The following SGCD variants were observed in gnomAD, a reference collection of about 807,000 sequenced individuals.
SGCD encodes the protein delta-sarcoglycan.
In SGCD, 18 loss-of-function variants were observed where a neutral mutation model predicts 36.6. That is an observed-to-expected ratio of 0.49 (90% CI 0.34 to 0.73). The LOEUF (loss-of-function observed/expected upper bound fraction) is 0.73. Among genes scored for constraint, SGCD ranks in the 30% least tolerant of loss-of-function variants. SGCD has a pLI of 0.01. For synonymous variants in SGCD, 133 were observed against 130.6 expected, an observed-to-expected ratio of 1.02 and a Z score of -0.12; for missense variants, 387 against 346.7, an observed-to-expected ratio of 1.12 and a Z score of -0.92.
At chr5:155,890,724 G>T (rs1448952105) in intron 1 of SGCD, among the ~76,000 whole-genome samples, 1 of 152,028 alleles carries the variant, frequency 6.6e-6, no homozygotes, top group Admixed American at 6.6e-5. Context: ...AAGGACACAG[G>T]GCAGGTGTGG....
At chr5:156,147,619 A>G (rs116596465) in intron 3 of SGCD, among the ~76,000 whole-genome samples, 1,979 of 152,358 alleles carry the variant, frequency 0.013, 14 homozygotes, top group Non-Finnish European at 0.02. Context: ...AAACTTTCAA[A>G]TGTTATCAGC....
chr5:156,061,173 A>AT (rs201621091), intron 1 of SGCD, among the ~76,000 whole-genome samples: 7,211 of 137,792 alleles, frequency 0.052, 1,014 homozygotes, highest in East Asian at 0.48. Flanking sequence ...AATTGCAACT[A>AT]TTTTTTTTTT....
chr5:156,582,037 C>G (rs1048683176), intron 4 of SGCD, among the ~76,000 whole-genome samples: 3 of 152,172 alleles, frequency 2.0e-5, no homozygotes, highest in Non-Finnish European at 4.4e-5. Flanking sequence ...AGAGCTGTTC[C>G]TATTCAGCCG....
At chr5:155,786,148 A>T in the SGCD span, among the ~76,000 whole-genome samples, 9 of 152,192 alleles carry the variant, frequency 5.9e-5, no homozygotes, top group Non-Finnish European at 1.3e-4. Flanking sequence ...CATTTGCAAT[A>T]ATATCTCCTT....
intron 3 of SGCD, among the ~76,000 whole-genome samples, chr5:156,432,500 A>G (rs1402320701): frequency 2.6e-5 from 4 of 152,098 alleles, no homozygotes; most frequent in Non-Finnish European, 5.9e-5. Flanking sequence ...TTTCTCAGGC[A>G]TTGGGCGGGG....
chr5:155,946,739 C>T (rs1757444717), intron 1 of SGCD, among the ~76,000 whole-genome samples: 1 of 152,130 alleles, frequency 6.6e-6, no homozygotes. Flanking sequence ...TATAGCATAT[C>T]TCCAAAATGT....
chr5:155,728,955 C>G, the SGCD span, among the ~76,000 whole-genome samples: 1 of 152,232 alleles, frequency 6.6e-6, no homozygotes, highest in Non-Finnish European at 1.5e-5. Context: ...CACCAGTCGG[C>G]TTGGTGGCCC....
the SGCD span, among the ~76,000 whole-genome samples, chr5:155,791,264 C>T: frequency 6.6e-6 from 1 of 152,006 alleles, no homozygotes; most frequent in Non-Finnish European, 1.5e-5. Context: ...TCTCATGGAA[C>T]AGAGTCAGAA....
chr5:156,135,906 C>G (rs955823867), intron 3 of SGCD, among the ~76,000 whole-genome samples: 1 of 152,034 alleles, frequency 6.6e-6, no homozygotes, highest in African/African-American at 2.4e-5. Flanking sequence ...AGTTTTCTGA[C>G]TGGTGTTGCC....
At chr5:156,482,316 C>T (rs1363899276) in intron 3 of SGCD, among the ~76,000 whole-genome samples, 4 of 151,788 alleles carry the variant, frequency 2.6e-5, no homozygotes, top group South Asian at 2.1e-4. Flanking sequence ...CTCCACTGTC[C>T]GATATGGTAG....
At chr5:156,236,081 A>G (rs1561577892) in intron 3 of SGCD, among the ~76,000 whole-genome samples, 1 of 152,204 alleles carries the variant, frequency 6.6e-6, no homozygotes, top group Non-Finnish European at 1.5e-5. Context: ...ATTTTTGAAA[A>G]ATAATTGAAA....
intron 1 of SGCD, among the ~76,000 whole-genome samples, chr5:155,923,116 G>A (rs940264854): frequency 2.0e-5 from 3 of 152,110 alleles, no homozygotes; most frequent in African/African-American, 4.8e-5. Flanking sequence ...TTCATACTAC[G>A]CAAAGGTGAG....
At chr5:155,951,449 A>G (rs532644790) in intron 1 of SGCD, among the ~76,000 whole-genome samples, 2 of 152,304 alleles carry the variant, frequency 1.3e-5, no homozygotes, top group South Asian at 2.1e-4. Flanking sequence ...ATGTGATTTC[A>G]TTTATATAAA....
chr5:156,456,187 T>C (rs554622229), intron 3 of SGCD, among the ~76,000 whole-genome samples: 6 of 152,304 alleles, frequency 3.9e-5, no homozygotes, highest in African/African-American at 1.4e-4. Flanking sequence ...TGGAATGGGA[T>C]AACGGATGGA....
At chr5:156,376,758 A>T (rs950660322) in intron 3 of SGCD, among the ~76,000 whole-genome samples, 2 of 152,180 alleles carry the variant, frequency 1.3e-5, no homozygotes, top group African/African-American at 4.8e-5. Flanking sequence ...GAGGAAGTTT[A>T]TTGAACTTGC....
At chr5:156,315,882 A>G (rs926946874) in intron 3 of SGCD, among the ~76,000 whole-genome samples, 1 of 151,966 alleles carries the variant, frequency 6.6e-6, no homozygotes, top group Non-Finnish European at 1.5e-5. Flanking sequence ...ATCTTTGCCC[A>G]TTTTTATTCA....
At chr5:155,871,527 T>G (rs1755654810) in intron 1 of SGCD, among the ~76,000 whole-genome samples, 1 of 152,108 alleles carries the variant, frequency 6.6e-6, no homozygotes, top group African/African-American at 2.4e-5. Context: ...GCCAGGTAAG[T>G]GAACACTTGT....
chr5:155,744,850 A>G, the SGCD span, among the ~76,000 whole-genome samples: 1 of 152,222 alleles, frequency 6.6e-6, no homozygotes, highest in Non-Finnish European at 1.5e-5. Flanking sequence ...GCTATTTTCT[A>G]AAACCGATGA....
At chr5:156,182,588 C>A (rs1191802920) in intron 3 of SGCD, among the ~76,000 whole-genome samples, 1 of 152,040 alleles carries the variant, frequency 6.6e-6, no homozygotes, top group African/African-American at 2.4e-5. Flanking sequence ...TAGAGTGAGG[C>A]TCTGTGTCAA....
Sources: allele counts gnomAD v4.1 joint callset (sites outside exome capture counted in the v4.1 genomes callset), GRCh38; gene constraint gnomAD v4.1.1; transcripts MANE v1.5; gene names NCBI Gene and HGNC (gene_info 2026-07-23, HGNC 2026-07-21).